USP24: variants seen among roughly 807,000 people sequenced by gnomAD.
The protein encoded by USP24 is ubiquitin carboxyl-terminal hydrolase 24.
USP24 carries 97 observed loss-of-function variants against 361.6 expected under a neutral mutation model. The observed-to-expected ratio is 0.27, with a 90% CI of 0.23 to 0.32. The LOEUF is 0.32. Among genes scored for constraint, USP24 ranks in the 10% least tolerant of loss-of-function variants. The pLI, the probability that USP24 is intolerant of heterozygous loss-of-function variation, is 1.00. For missense variants in USP24, 2,353 were observed against 3,165.6 expected (o/e 0.74, Z 6.16); for synonymous variants, 1,098 against 1,124.6 (o/e 0.98, Z 0.47).
intron 30 of USP24, 73 bp from the exon 31 acceptor site, chr1:55,132,773 C>T (rs1277075476): frequency 8.4e-6 from 12 of 1,424,820 alleles, no homozygotes; most frequent in Middle Eastern, 1.8e-4. Context: ...TCTTAGTACA[C>T]GTCCTAATAT....
At chr1:55,091,301 T>C (rs143646411) in intron 54 of USP24, among the ~76,000 whole-genome samples, 1,922 of 152,166 alleles carry the variant, frequency 0.013, 19 homozygotes, top group Middle Eastern at 0.041. Flanking sequence ...TAGATTCTCA[T>C]AGGAGCATGA....
chr1:55,120,413 A>G (rs1423474658), intron 38 of USP24, among the ~76,000 whole-genome samples, 183 bp downstream of exon 38: 1 of 152,142 alleles, frequency 6.6e-6, no homozygotes, highest in Non-Finnish European at 1.5e-5. Context: ...CATGGAGAAG[A>G]AGGCCTGGTA....
At chr1:55,076,928 C>T (rs1645041132) in intron 62 of USP24, among the ~76,000 whole-genome samples, 1 of 152,174 alleles carries the variant, frequency 6.6e-6, no homozygotes, top group Non-Finnish European at 1.5e-5. Flanking sequence ...TAACACGATG[C>T]CTTCTCCACT....
intron 51 of USP24, among the ~76,000 whole-genome samples, chr1:55,094,455 A>C (rs1362433367): frequency 1.3e-5 from 2 of 152,108 alleles, no homozygotes; most frequent in African/African-American, 4.8e-5. Flanking sequence ...AGTGAAATAA[A>C]CTTATCTTAG....
intron 67 of USP24, among the ~76,000 whole-genome samples, chr1:55,070,320 G>T (rs545341107): frequency 6.6e-6 from 1 of 152,264 alleles, no homozygotes; most frequent in East Asian, 1.9e-4. Context: ...GAGGGCAGGA[G>T]GATACAGGTT....
intron 38 of USP24, among the ~76,000 whole-genome samples, chr1:55,113,016 T>C (rs1337060110): frequency 6.6e-6 from 1 of 152,214 alleles, no homozygotes; most frequent in Non-Finnish European, 1.5e-5. Flanking sequence ...TACCATTGTG[T>C]AATGCCCTTC....
chr1:55,166,930 A>T (rs1345598290), intron 5 of USP24, among the ~76,000 whole-genome samples: 2 of 152,220 alleles, frequency 1.3e-5, no homozygotes, highest in African/African-American at 2.4e-5. Context: ...TTAGAAATTA[A>T]AACTTAATTA....
chr1:55,098,369 A>C, intron 46 of USP24, 107 bp downstream of exon 46: 1 of 1,015,958 alleles, frequency 9.8e-7, no homozygotes, highest in Non-Finnish European at 1.4e-6. Context: ...ATCTGTTGAC[A>C]GGGAGAGAGT....
At chr1:55,183,074 A>G (rs1378270727) in intron 1 of USP24, among the ~76,000 whole-genome samples, 3 of 152,230 alleles carry the variant, frequency 2.0e-5, no homozygotes, top group Non-Finnish European at 4.4e-5. Flanking sequence ...CAGAGTCACC[A>G]AAGACAAGTA....
At position 55,068,804 on chromosome 1, in the gene USP24, A is replaced by G. The variant is rs1415568753; in HGVS notation, c.*241T>C. ...AATCTCCACAGAAATGTGAATCCACATATAGACCACGCTCCCGGGACAGCT... is the reference window on the plus strand; with the variant it reads ...AATCTCCACAGAAATGTGAATCCACGTATAGACCACGCTCCCGGGACAGCT... On this transcript the variant is annotated 3_prime_UTR_variant, in exon 68 of 68. Transcript: ENST00000294383. The G allele has an allele frequency of 1.1e-5, 6 of 541,640 alleles. No homozygotes were observed. In the Admixed American group the frequency reaches 2.1e-4, roughly 19 times the overall value. 33.6% of individuals were successfully genotyped at this position (541,640 alleles called of 1,614,324 possible).
At chr1:55,098,786 A>G (rs930441525) in intron 45 of USP24, among the ~76,000 whole-genome samples, 1 of 152,190 alleles carries the variant, frequency 6.6e-6, no homozygotes, top group Non-Finnish European at 1.5e-5. Context: ...TAATGACAAG[A>G]GAGTGTTCTC....
intron 55 of USP24, among the ~76,000 whole-genome samples, chr1:55,086,768 C>A (rs79746470): frequency 6.6e-6 from 1 of 152,140 alleles, no homozygotes; most frequent in African/African-American, 2.4e-5. Flanking sequence ...TAAAATACTT[C>A]AGAGAGACAA....
chr1:55,203,578 T>A (rs1160571612), intron 1 of USP24, among the ~76,000 whole-genome samples: 1 of 152,250 alleles, frequency 6.6e-6, no homozygotes, highest in Non-Finnish European at 1.5e-5. Flanking sequence ...CTAAGTAGTC[T>A]TAATTAATAT....
chr1:55,115,786 G>A (rs1646096489), intron 38 of USP24, among the ~76,000 whole-genome samples: 1 of 152,198 alleles, frequency 6.6e-6, no homozygotes, highest in Non-Finnish European at 1.5e-5. Flanking sequence ...ATCAATGATA[G>A]ACTGGATAAA....
intron 66 of USP24, 100 bp from the exon 67 acceptor site, chr1:55,072,024 C>T (rs561362498): frequency 1.9e-5 from 21 of 1,089,020 alleles, no homozygotes; most frequent in South Asian, 6.8e-5. Context: ...TCAGTGGGAC[C>T]GGAGGCCTGA....
intron 1 of USP24, 119 bp downstream of exon 1, chr1:55,214,671 C>T (rs1193214308): frequency 3.4e-6 from 3 of 875,488 alleles, no homozygotes; most frequent in East Asian, 1.3e-4. Flanking sequence ...CCGCCCCGCC[C>T]CCACTAAAGC....
At position 55,154,649 on chromosome 1, in the gene USP24, G is replaced by C. The variant is rs772120356; in HGVS notation, c.1554+22C>G. 4 of 1,602,698 alleles carry C rather than the reference G, an allele frequency of 2.5e-6. No homozygotes were observed. The South Asian group carries it at 4.5e-5, about 18-fold the overall frequency. On this transcript the variant is annotated intron_variant, in intron 13 of 67. Coordinates refer to ENST00000294383, the MANE Select transcript of USP24 (RefSeq NM_015306.3). ...TTATTTTAAGAAAATTTAAAAGTAA[G>C]CAAGTCTGACTGAACACGTACCTTC... is the stretch of plus-strand genomic sequence containing the variant.
intron 24 of USP24, among the ~76,000 whole-genome samples, chr1:55,139,931 T>C (rs1646841620): frequency 6.6e-6 from 1 of 152,270 alleles, no homozygotes; most frequent in Non-Finnish European, 1.5e-5. Context: ...GAGTGAACTA[T>C]TTTTTAATTA....
intron 39 of USP24, among the ~76,000 whole-genome samples, chr1:55,108,184 G>C (rs769749337): frequency 7.2e-5 from 11 of 152,170 alleles, no homozygotes; most frequent in African/African-American, 2.7e-4. Context: ...GGAGAATGAG[G>C]TCAGAAGTAC....
Sources: gnomAD v4.1 joint callset for allele counts (sites outside exome capture counted in the v4.1 genomes callset) on GRCh38, gnomAD v4.1.1 for gene constraint, MANE v1.5 for transcripts, NCBI Gene and HGNC (gene_info 2026-07-23, HGNC 2026-07-21) for gene names.